The following TTC9 variants were observed in gnomAD, a reference collection of about 807,000 sequenced individuals.
TTC9 encodes tetratricopeptide repeat protein 9A.
Under a neutral mutation model 22.9 loss-of-function variants are expected in TTC9, and 13 were observed. The ratio of observed to expected loss-of-function variants is 0.57; its 90% confidence interval spans 0.37 to 0.90. The LOEUF (loss-of-function observed/expected upper bound fraction) is 0.90. TTC9 is among the 40% of genes least tolerant of loss of function. The pLI is 0.01. For missense variants in TTC9, 280 were observed against 291.8 expected (o/e 0.96, Z 0.29); for synonymous variants, 148 against 133.2 (o/e 1.11, Z -0.77).
rs1202605312 is a variant in TTC9, at chr14:70,642,254, G to T, written c.125G>T (p.Gly42Val). The stretch of plus-strand genomic sequence containing the variant: ...GGCGGCGGAGGAGCCCCAGCGAGGG[G>T]CCAGGTCGGGGCGGCGGCCGAGCCG... ...PGGGGGAPAR[G>V]QVGAAAEPAE... The change falls in exon 1 of 3, where the codon GGC becomes GTC. Residue 42 changes from glycine to valine, a missense_variant. Coordinates refer to ENST00000256367, the MANE Select transcript of TTC9 (RefSeq NM_015351.2). The T allele has an allele frequency of 1.4e-6, 2 of 1,470,542 alleles. No individual in the cohort carries two copies. The highest frequency in any genetic ancestry group is 1.5e-5 in the African/African-American group (1 of 67,310). 91.1% of individuals were successfully genotyped at this position (1,470,542 alleles called of 1,614,324 possible). A position where few individuals can be genotyped will look rare whatever the true frequency, so the allele number is the denominator to read the frequency against.
Position 70,642,072 on chromosome 14 carries a change from CG to C in TTC9, c.-56del. ...GGCTTTTAAACCCGGGAAGGCGCGG[CG>C]GCGGCGGCGGCGGCGGGCAGATCGC... is the stretch of plus-strand genomic sequence containing the variant. On this transcript the variant is annotated 5_prime_UTR_variant, in exon 1 of 3. Transcript: ENST00000256367. 1.0e-6 allele frequency: 1 copy of C among 1,003,974 alleles called. No individual in the cohort carries two copies. The highest frequency in any genetic ancestry group is 1.2e-6 in the Non-Finnish European group (1 of 839,654). 62.2% of individuals were successfully genotyped at this position (1,003,974 alleles called of 1,614,324 possible). A position where few individuals can be genotyped will look rare whatever the true frequency, so the allele number is the denominator to read the frequency against.
At chr14:70,666,635 C>G (rs1440708922) in intron 1 of TTC9, among the ~76,000 whole-genome samples, 9 of 152,302 alleles carry the variant, frequency 5.9e-5, no homozygotes, top group Non-Finnish European at 5.9e-5. Flanking sequence ...GATTCTGGAG[C>G]CAGACAGCTT....
intron 1 of TTC9, among the ~76,000 whole-genome samples, chr14:70,659,339 A>G (rs969452651): frequency 2.0e-5 from 3 of 152,222 alleles, no homozygotes; most frequent in African/African-American, 7.2e-5. Flanking sequence ...GTGAATCTAC[A>G]ATTATCACAA....
At chr14:70,654,212 T>A (rs1167317173) in intron 1 of TTC9, among the ~76,000 whole-genome samples, 2 of 152,004 alleles carry the variant, frequency 1.3e-5, no homozygotes, top group Non-Finnish European at 2.9e-5. Context: ...CTGAATCCCT[T>A]TTCACACCTC....
intron 1 of TTC9, among the ~76,000 whole-genome samples, chr14:70,659,157 C>CACACACAT (rs1886110662): frequency 1.3e-5 from 2 of 151,998 alleles, no homozygotes; most frequent in Admixed American, 1.3e-4. Flanking sequence ...CACACACACA[C>CACACACAT]ACACATACTG....
intron 1 of TTC9, among the ~76,000 whole-genome samples, chr14:70,653,759 C>T (rs1302780554): frequency 2.0e-5 from 3 of 152,202 alleles, no homozygotes; most frequent in Non-Finnish European, 2.9e-5. Context: ...GGCACTCTCA[C>T]AAGTCAGACC....
rs1364750963 is a variant in TTC9 at position 70,671,073 on chromosome 14, C to T, written c.590-3C>T. On this transcript the variant is annotated splice_polypyrimidine_tract_variant and splice_region_variant and intron_variant, in intron 2 of 2. Coordinates refer to ENST00000256367, the MANE Select transcript of TTC9 (RefSeq NM_015351.2). ...TCCCTAAGGTTTATTTCTCTCCTCA[C>T]AGACACCAACGTGATTCGGTATATC... The T allele has an allele frequency of 1.2e-6, 2 of 1,613,176 alleles. No homozygotes were observed. Among genetic ancestry groups the T allele is most frequent in the South Asian group, 2.2e-5 (2 of 91,056 alleles).
intron 1 of TTC9, among the ~76,000 whole-genome samples, chr14:70,654,617 A>AAAAAAAAAAAAAAAAG (rs1886034228): frequency 6.9e-6 from 1 of 145,674 alleles, no homozygotes. Context: ...AAAAAAAAAA[A>AAAAAAAAAAAAAAAAG]AAAAATTCTA....
chr14:70,662,586 C>T (rs1300604415), intron 1 of TTC9, among the ~76,000 whole-genome samples: 3 of 152,146 alleles, frequency 2.0e-5, no homozygotes, highest in African/African-American at 7.2e-5. Context: ...ACAATTTTGT[C>T]CTTCTATTAA....
At chr14:70,645,644 T>C (rs376695871) in intron 1 of TTC9, among the ~76,000 whole-genome samples, 1 of 152,220 alleles carries the variant, frequency 6.6e-6, no homozygotes. Context: ...GAGATATCTT[T>C]TCCCCTGTGT....
At chr14:70,642,834 G>A (rs895706031) in intron 1 of TTC9, among the ~76,000 whole-genome samples, 3 of 152,344 alleles carry the variant, frequency 2.0e-5, no homozygotes, top group Non-Finnish European at 2.9e-5. Flanking sequence ...GTGGACCTGG[G>A]TCCAAAATGC....
At chr14:70,657,944 C>T (rs1462586076) in intron 1 of TTC9, among the ~76,000 whole-genome samples, 1 of 152,106 alleles carries the variant, frequency 6.6e-6, no homozygotes. Flanking sequence ...CCAGCTTGGG[C>T]GACAGAGCGA....
chr14:70,653,776 G>C (rs956732008), intron 1 of TTC9, among the ~76,000 whole-genome samples: 1 of 152,224 alleles, frequency 6.6e-6, no homozygotes, highest in Non-Finnish European at 1.5e-5. Context: ...GACCAGTTGA[G>C]AATCTGACAG....
At chr14:70,650,422 C>G (rs1377979729) in intron 1 of TTC9, among the ~76,000 whole-genome samples, 1 of 145,490 alleles carries the variant, frequency 6.9e-6, no homozygotes. Context: ...GACACCATCT[C>G]AAAAAAAAAA....
chr14:70,667,034 G>A (rs1886225257), intron 1 of TTC9, among the ~76,000 whole-genome samples: 2 of 152,346 alleles, frequency 1.3e-5, no homozygotes, highest in South Asian at 4.1e-4. Context: ...TATTCTGAAA[G>A]ATGTGAGGAA....
chr14:70,652,987 A>G (rs1398072616), intron 1 of TTC9, among the ~76,000 whole-genome samples: 3 of 152,260 alleles, frequency 2.0e-5, no homozygotes, highest in Non-Finnish European at 2.9e-5. Context: ...AGGTCTTTAC[A>G]TAGTGAAATC....
At position 70,671,062 on chromosome 14, in the gene TTC9, T is replaced by G. The variant is rs1426295484; in HGVS notation, c.590-14T>G. On this transcript the variant is annotated splice_polypyrimidine_tract_variant and intron_variant, in intron 2 of 2. Transcript: ENST00000256367. ...TCACCTGGTGTTCCCTAAGGTTTAT[T>G]TCTCTCCTCACAGACACCAACGTGA... 6.2e-7 allele frequency: 1 copy of G among 1,612,734 alleles called. No individual in the cohort carries two copies. Among genetic ancestry groups the G allele is most frequent in the Non-Finnish European group, 8.5e-7 (1 of 1,179,006 alleles).
In TTC9 at chr14:70,642,118, G is replaced by T. The variant is rs1885820185; in HGVS notation, c.-12G>T. 2 of 1,113,642 alleles carry T rather than the reference G, an allele frequency of 1.8e-6. No individual in the cohort carries two copies. The highest frequency in any genetic ancestry group is 8.6e-5 in the South Asian group (2 of 23,292). 69.0% of individuals were successfully genotyped at this position (1,113,642 alleles called of 1,614,324 possible). On this transcript the variant is annotated 5_prime_UTR_variant, in exon 1 of 3. Transcript: ENST00000256367. ...GATCGCGGCGCGCACCAGGCGCCGGGGCGGCGGCCGAATGGAGAGAAAGGG... is the reference window on the plus strand; with the variant it reads ...GATCGCGGCGCGCACCAGGCGCCGGTGCGGCGGCCGAATGGAGAGAAAGGG...
At chr14:70,669,581 T>G (rs1278736675) in intron 2 of TTC9, among the ~76,000 whole-genome samples, 1 of 131,082 alleles carries the variant, frequency 7.6e-6, no homozygotes, top group African/African-American at 3.3e-5. Context: ...ACACCCAGCC[T>G]TTTTTTTTTT....
Sources: allele counts gnomAD v4.1 joint callset (sites outside exome capture counted in the v4.1 genomes callset), GRCh38; gene constraint gnomAD v4.1.1; transcripts MANE v1.5; gene names NCBI Gene and HGNC (gene_info 2026-07-23, HGNC 2026-07-21).